Variants in ADARB2 observed in about 807,000 individuals in gnomAD.
The protein encoded by ADARB2 is adenosine deaminase RNA specific B2 (inactive).
In ADARB2, 25 loss-of-function variants were observed where a neutral mutation model predicts 62.2. The ratio of observed to expected loss-of-function variants is 0.40; its 90% CI spans 0.29 to 0.56. ADARB2 has a LOEUF of 0.56. Ranked by LOEUF, ADARB2 falls within the 20% of genes least tolerant of loss-of-function variation. The pLI, the probability that ADARB2 is intolerant of heterozygous loss-of-function variation, is 0.43. For missense variants in ADARB2, 1,071 were observed against 1,077.4 expected, an observed-to-expected ratio of 0.99 and a Z score of 0.08; for synonymous variants, 572 against 500.8, an observed-to-expected ratio of 1.14 and a Z score of -1.90.
chr10:1,338,725 T>C (rs1831996154), intron 3 of ADARB2, among the ~76,000 whole-genome samples: 1 of 152,206 alleles, frequency 6.6e-6, no homozygotes, highest in Admixed American at 6.5e-5. Context: ...CATTTTGGCA[T>C]GGTGGATAGA....
chr10:1,599,246 G>A (rs1355403820), intron 1 of ADARB2, among the ~76,000 whole-genome samples: 1 of 152,214 alleles, frequency 6.6e-6, no homozygotes, highest in African/African-American at 2.4e-5. Context: ...AAGATGGAAA[G>A]GCCGTGGAGA....
intron 1 of ADARB2, among the ~76,000 whole-genome samples, chr10:1,515,678 C>G (rs1831999670): frequency 6.6e-6 from 1 of 152,196 alleles, no homozygotes; most frequent in South Asian, 2.1e-4. Flanking sequence ...TGACACCTGC[C>G]CACCCACCCC....
chr10:1,422,838 A>T (rs757599369), intron 1 of ADARB2, among the ~76,000 whole-genome samples: 52 of 152,044 alleles, frequency 3.4e-4, no homozygotes, highest in Admixed American at 1.1e-3. Context: ...CGTACCTCCT[A>T]TGGCCACACG....
chr10:1,234,973 C>A (rs1019786895), intron 5 of ADARB2, among the ~76,000 whole-genome samples: 5 of 152,090 alleles, frequency 3.3e-5, no homozygotes, highest in Non-Finnish European at 5.9e-5. Context: ...TTTTGAACTC[C>A]TGACTTCAGG....
intron 1 of ADARB2, among the ~76,000 whole-genome samples, chr10:1,651,711 G>A (rs1056392527): frequency 4.6e-5 from 7 of 152,190 alleles, no homozygotes; most frequent in Non-Finnish European, 7.3e-5. Flanking sequence ...ACAGCGAAGC[G>A]GGGCCTTACT....
intron 1 of ADARB2, among the ~76,000 whole-genome samples, chr10:1,390,656 TC>T (rs1444807585): frequency 3.3e-5 from 5 of 152,190 alleles, no homozygotes; most frequent in African/African-American, 1.2e-4. Context: ...TCTTTTTTAT[TC>T]CCCCTATTTT....
chr10:1,231,625 C>A (rs564060694), intron 6 of ADARB2, among the ~76,000 whole-genome samples: 1 of 152,158 alleles, frequency 6.6e-6, no homozygotes, highest in Non-Finnish European at 1.5e-5. Flanking sequence ...TTTAAAAGTC[C>A]CTGAGGTTGA....
chr10:1,418,433 G>A (rs1488475425), intron 1 of ADARB2, among the ~76,000 whole-genome samples: 1 of 152,192 alleles, frequency 6.6e-6, no homozygotes, highest in Non-Finnish European at 1.5e-5. Context: ...GGGGAGCCTT[G>A]TTGTATGTGG....
At chr10:1,603,560 G>A (rs1467470433) in intron 1 of ADARB2, among the ~76,000 whole-genome samples, 5 of 152,038 alleles carry the variant, frequency 3.3e-5, no homozygotes, top group Non-Finnish European at 7.4e-5. Context: ...GAGTGTCACC[G>A]AGAGAGCACG....
chr10:1,544,322 C>T (rs1026794497), intron 1 of ADARB2, among the ~76,000 whole-genome samples: 17 of 152,250 alleles, frequency 1.1e-4, no homozygotes, highest in African/African-American at 3.9e-4. Flanking sequence ...TGGGCAGCAG[C>T]ATGAAGCCCC....
chr10:1,699,218 C>A, intron 1 of ADARB2, among the ~76,000 whole-genome samples: 1 of 151,490 alleles, frequency 6.6e-6, no homozygotes, highest in Non-Finnish European at 1.5e-5. Context: ...TCCCACTCTA[C>A]CAGGAGACCA....
chr10:1,322,035 C>G (rs1400248248), intron 3 of ADARB2, among the ~76,000 whole-genome samples: 2 of 151,746 alleles, frequency 1.3e-5, no homozygotes, highest in African/African-American at 4.9e-5. Context: ...CTCCTCCTCC[C>G]TCCTCTGACC....
chr10:1,481,582 A>G (rs1831470618), intron 1 of ADARB2, among the ~76,000 whole-genome samples: 1 of 152,092 alleles, frequency 6.6e-6, no homozygotes, highest in Non-Finnish European at 1.5e-5. Flanking sequence ...GAATATACAA[A>G]GAAATATGGG....
intron 3 of ADARB2, among the ~76,000 whole-genome samples, chr10:1,357,868 G>T (rs116840882): frequency 1.3e-5 from 2 of 152,218 alleles, no homozygotes; most frequent in Non-Finnish European, 2.9e-5. Flanking sequence ...CCACAGACAT[G>T]TTAGCAACTT....
intron 3 of ADARB2, among the ~76,000 whole-genome samples, chr10:1,307,435 T>A (rs1831639924): frequency 7.1e-6 from 1 of 141,544 alleles, no homozygotes; most frequent in East Asian, 2.3e-4. Context: ...AAACAACAGG[T>A]GCTGGAGAGG....
chr10:1,658,159 CCT>C (rs1286129547), intron 1 of ADARB2, among the ~76,000 whole-genome samples: 2 of 147,410 alleles, frequency 1.4e-5, no homozygotes, highest in Non-Finnish European at 3.0e-5. Context: ...TCTTATTCTC[CCT>C]GTCTCTCTCT....
chr10:1,635,805 C>T (rs1833911372), intron 1 of ADARB2, among the ~76,000 whole-genome samples: 1 of 152,198 alleles, frequency 6.6e-6, no homozygotes, highest in Non-Finnish European at 1.5e-5. Context: ...TAGGCTTTGG[C>T]TATCTCTGGA....
rs943224464 is a variant in ADARB2, at chr10:1,621,658, T to C, written c.100+115393A>G. 2.0e-5 allele frequency among the ~76,000 whole-genome samples: 3 copies of C among 152,192 alleles called. No individual in the cohort carries two copies. The East Asian group carries it at 5.8e-4, about 29-fold the overall frequency. ...AACAGCAACAACAACAACAGTGAAA[T>C]GCAAGACTTGTGTACTGAAAACTAC... is the stretch of plus-strand genomic sequence containing the variant. On this transcript the variant is annotated intron_variant, in intron 1 of 9. Transcript: ENST00000381312.
intron 1 of ADARB2, among the ~76,000 whole-genome samples, chr10:1,733,854 A>T (rs551272626): frequency 2.0e-5 from 3 of 152,296 alleles, no homozygotes; most frequent in Non-Finnish European, 4.4e-5. Flanking sequence ...GGCAGGTAAC[A>T]GTCTCCATAA....
Sources: gnomAD v4.1 joint callset for allele counts (sites outside exome capture counted in the v4.1 genomes callset) on GRCh38, gnomAD v4.1.1 for gene constraint, MANE v1.5 for transcripts, NCBI Gene and HGNC (gene_info 2026-07-23, HGNC 2026-07-21) for gene names.